The following MYT1L variants were observed in gnomAD, a reference collection of about 807,000 sequenced individuals.
MYT1L encodes the protein myelin transcription factor 1-like protein.
A neutral mutation model predicts 126.7 loss-of-function variants in MYT1L; 12 were observed. That is an observed-to-expected ratio of 0.09 (90% CI 0.06 to 0.15). The LOEUF (loss-of-function observed/expected upper bound fraction) is 0.15, where lower values mean the gene tolerates loss of function less well. MYT1L is among the 10% of genes least tolerant of loss of function. The pLI, the probability that MYT1L is intolerant of heterozygous loss-of-function variation, is 1.00. For missense variants in MYT1L, 979 were observed against 1,585.2 expected, an observed-to-expected ratio of 0.62 and a Z score of 6.49; for synonymous variants, 541 against 604.2, an observed-to-expected ratio of 0.90 and a Z score of 1.53.
chr2:1,824,755 C>T (rs1257625617), intron 21 of MYT1L: 1 of 151,728 alleles, frequency 6.6e-6, no homozygotes, highest in African/African-American at 2.4e-5. Flanking sequence ...AGGGGGAGGA[C>T]TCCGCAGTAT....
intron 18 of MYT1L, among the ~76,000 whole-genome samples, chr2:1,861,276 A>G (rs1558188457): frequency 6.6e-6 from 1 of 152,022 alleles, no homozygotes; most frequent in Non-Finnish European, 1.5e-5. Flanking sequence ...CAGTTACATA[A>G]GGGAGGTTCA....
intron 14 of MYT1L, 97 bp downstream of exon 14, chr2:1,902,983 C>T: frequency 1.7e-6 from 2 of 1,155,320 alleles, no homozygotes; most frequent in East Asian, 4.7e-5. Flanking sequence ...ATTGAGTGAC[C>T]ACCACCGCTC....
chr2:2,232,604 G>A (rs192310017), intron 2 of MYT1L, among the ~76,000 whole-genome samples: 7 of 152,300 alleles, frequency 4.6e-5, no homozygotes, highest in Non-Finnish European at 7.4e-5. Context: ...GAGTGGCACC[G>A]TCCCATCCAT....
chr2:2,312,106 G>A (rs891190921), intron 1 of MYT1L, among the ~76,000 whole-genome samples: 1 of 152,158 alleles, frequency 6.6e-6, no homozygotes, highest in African/African-American at 2.4e-5. Flanking sequence ...GTTTGGAAAG[G>A]GGACTTGTGG....
intron 8 of MYT1L, among the ~76,000 whole-genome samples, chr2:1,966,089 A>G (rs997392142): frequency 1.3e-5 from 2 of 152,206 alleles, no homozygotes; most frequent in African/African-American, 2.4e-5. Flanking sequence ...CTAGAGGGGC[A>G]TGAGATCAGT....
At chr2:2,157,578 G>A (rs1486955751) in intron 3 of MYT1L, among the ~76,000 whole-genome samples, 3 of 152,132 alleles carry the variant, frequency 2.0e-5, no homozygotes, top group Non-Finnish European at 4.4e-5. Context: ...GGCAATGTCA[G>A]AGGCCAGTGA....
At chr2:1,903,361 AT>A (rs780091696) in intron 13 of MYT1L, 67 bp from the exon 14 acceptor site, 4 of 1,265,840 alleles carry the variant, frequency 3.2e-6, no homozygotes, top group Admixed American at 2.1e-5. Flanking sequence ...CGAGCTTCAC[AT>A]TAAAACTAGA....
rs2059294423 is a variant in MYT1L at position 1,965,653 on chromosome 2, C to T, written c.152+13512G>A. On this transcript the variant is annotated intron_variant, in intron 8 of 24. Transcript: ENST00000647738. The stretch of plus-strand genomic sequence containing the variant: ...AGCCAGAGAAGAGAGTAGGCCATCC[C>T]TCTGCCTTTTGGCATCATAGCTGGT... Among the ~76,000 whole-genome samples, 5 of 152,252 alleles carry T rather than the reference C, an allele frequency of 3.3e-5. No homozygotes were observed. In the South Asian group the frequency reaches 1.0e-3, roughly 32 times the overall value.
Position 1,943,978 on chromosome 2 carries a change from C to T in MYT1L, c.153-644G>A, listed in dbSNP as rs2056943959. On this transcript the variant is annotated intron_variant, in intron 8 of 24. Coordinates refer to ENST00000647738, the MANE Select transcript of MYT1L (RefSeq NM_001303052.2). This position sits in a 1 kb window ranked among gnomAD's most constrained non-coding sequence, Gnocchi z 4.4. Reference sequence around the variant, plus strand: ...ATGTTATTAGTCCCACGCCAGCATTCCAGAAAACAACTTCAGTGTTAGCGG... The same window carrying T: ...ATGTTATTAGTCCCACGCCAGCATTTCAGAAAACAACTTCAGTGTTAGCGG... Among the ~76,000 whole-genome samples, 2 of 152,192 alleles carry T rather than the reference C, an allele frequency of 1.3e-5. No individual in the cohort carries two copies. The highest frequency in any genetic ancestry group is 2.9e-5 in the Non-Finnish European group (2 of 68,036).
chr2:2,189,881 C>G (rs571114950), intron 2 of MYT1L, among the ~76,000 whole-genome samples: 1 of 150,952 alleles, frequency 6.6e-6, no homozygotes, highest in East Asian at 2.0e-4. Context: ...GGGAGAAGCT[C>G]GTTCTCAGGA....
chr2:1,902,979 T>C (rs746460728), intron 14 of MYT1L, 101 bp downstream of exon 14: 151 of 1,107,500 alleles, frequency 1.4e-4, no homozygotes, highest in Admixed American at 2.9e-4. Flanking sequence ...ACCCATTGAG[T>C]GACCACCACC....
chr2:1,967,069 A>G (rs1281428567), intron 8 of MYT1L, among the ~76,000 whole-genome samples: 1 of 152,150 alleles, frequency 6.6e-6, no homozygotes, highest in African/African-American at 2.4e-5. Context: ...TACACGGATG[A>G]ATTGTGACAA....
At chr2:2,045,536 G>A (rs2150046200) in intron 4 of MYT1L, among the ~76,000 whole-genome samples, 1 of 152,332 alleles carries the variant, frequency 6.6e-6, no homozygotes, top group East Asian at 1.9e-4. Context: ...CTCATAGCCT[G>A]TGGATGGGAT....
chr2:1,926,744 G>A (rs1252739687), intron 9 of MYT1L, among the ~76,000 whole-genome samples: 2 of 152,114 alleles, frequency 1.3e-5, no homozygotes, highest in African/African-American at 4.8e-5. Flanking sequence ...TTGCCATGTT[G>A]GCCAGGCTGG....
At chr2:2,188,164 C>T (rs1413545908) in intron 2 of MYT1L, among the ~76,000 whole-genome samples, 3 of 152,110 alleles carry the variant, frequency 2.0e-5, no homozygotes, top group African/African-American at 7.2e-5. Flanking sequence ...ACTTCCTTCC[C>T]ATGGCAAAAC....
At position 2,091,778 on chromosome 2, in the gene MYT1L, C is replaced by T. The variant is rs150963804; in HGVS notation, c.-303-37655G>A. 6.6e-4 allele frequency among the ~76,000 whole-genome samples: 100 copies of T among 152,344 alleles called. No homozygotes were observed. The East Asian group carries it at 0.016, about 24-fold the overall frequency. Reference sequence around the variant, plus strand: ...GGAGAACTTGCTGCAGCTTCTCCATCAGCACTTGCTGCTTCTCCTTGCACT... The same window carrying T: ...GGAGAACTTGCTGCAGCTTCTCCATTAGCACTTGCTGCTTCTCCTTGCACT... On this transcript the variant is annotated intron_variant, in intron 3 of 24. Coordinates refer to ENST00000647738, the MANE Select transcript of MYT1L (RefSeq NM_001303052.2).
chr2:2,015,916 G>C (rs1414691503), intron 4 of MYT1L, among the ~76,000 whole-genome samples: 1 of 152,170 alleles, frequency 6.6e-6, no homozygotes, highest in Non-Finnish European at 1.5e-5. Flanking sequence ...AATATGGGTG[G>C]GACTCCCAGG....
intron 21 of MYT1L, among the ~76,000 whole-genome samples, chr2:1,829,725 G>A (rs1432761997): frequency 3.3e-5 from 4 of 119,490 alleles, no homozygotes; most frequent in Non-Finnish European, 6.5e-5. Context: ...ATACACCTGT[G>A]AATTGACCTT....
rs146313702 is a variant in MYT1L at position 2,122,092 on chromosome 2, A to C, written c.-304+50780T>G. Among the ~76,000 whole-genome samples the C allele has an allele frequency of 7.2e-3, 1,099 of 152,250 alleles. 14 individuals carry two copies. Among genetic ancestry groups the C allele is most frequent in the African/African-American group, 0.025 (1,038 of 41,546 alleles). ...TGGCGATGATGTGCACGTGGACCTG[A>C]TTATGGCACTGGTGAGATCCCACAC... On this transcript the variant is annotated intron_variant, in intron 3 of 24. Transcript: ENST00000647738.
Sources: allele counts gnomAD v4.1 joint callset (sites outside exome capture counted in the v4.1 genomes callset), GRCh38; gene constraint gnomAD v4.1.1; non-coding constraint Gnocchi (gnomAD v3.1); transcripts MANE v1.5; gene names NCBI Gene and HGNC (gene_info 2026-07-23, HGNC 2026-07-21).